Variants in MYO1H observed in about 807,000 individuals in gnomAD.
MYO1H encodes myosin IH, also known as unconventional myosin-Ih.
In MYO1H, 118 loss-of-function variants were observed where a neutral mutation model predicts 149.3. The observed-to-expected ratio is 0.79, with a 90% CI of 0.68 to 0.92. The LOEUF is 0.92. MYO1H is among the 40% of genes least tolerant of loss of function. The pLI is 0.00. For missense variants in MYO1H, 1,212 were observed against 1,280.7 expected (o/e 0.95, Z 0.82); for synonymous variants, 447 against 465.2 (o/e 0.96, Z 0.50).
intron 10 of MYO1H, among the ~76,000 whole-genome samples, chr12:109,409,193 A>T (rs4766595): frequency 0.53 from 76,154 of 143,538 alleles, 20,388 homozygotes; most frequent in African/African-American, 0.67. Context: ...CCTTTTCTCC[A>T]TCTCCTTCTC....
chr12:109,439,687 T>G, exon 24 of MYO1H: 2 of 1,613,832 alleles, frequency 1.2e-6, no homozygotes, highest in Non-Finnish European at 1.7e-6. Flanking sequence ...AACGAGGAAT[T>G]TATCGTGTTT....
intron 16 of MYO1H, among the ~76,000 whole-genome samples, chr12:109,422,439 C>T (rs1192210324): frequency 6.6e-6 from 1 of 152,176 alleles, no homozygotes; most frequent in Non-Finnish European, 1.5e-5. Flanking sequence ...GCAGGTTTCC[C>T]GTCAGCAAAG....
At chr12:109,432,939 G>T in exon 20 of MYO1H, 1 of 1,614,000 alleles carries the variant, frequency 6.2e-7, no homozygotes, top group Non-Finnish European at 8.5e-7. Context: ...ACTGGCACGG[G>T]CCTCCAGCAG....
intron 14 of MYO1H, 29 bp downstream of exon 14, chr12:109,412,014 A>G (rs1052989631): frequency 6.9e-7 from 1 of 1,452,400 alleles, no homozygotes; most frequent in Non-Finnish European, 9.4e-7. Context: ...CAGATTTTGC[A>G]TGGGGGAAGA....
chr12:109,405,367 A>G (rs12811377), intron 7 of MYO1H, among the ~76,000 whole-genome samples: 37,159 of 152,146 alleles, frequency 0.24, 5,520 homozygotes, highest in East Asian at 0.39. Context: ...CAGGAGTACA[A>G]TGGCGCTATC....
exon 32 of MYO1H, chr12:109,447,391 C>A: frequency 1.6e-6 from 1 of 613,392 alleles, no homozygotes; most frequent in Non-Finnish European, 2.9e-6. Flanking sequence ...TAAAATGTCA[C>A]CTTCTGGAAG....
intron 24 of MYO1H, among the ~76,000 whole-genome samples, chr12:109,440,091 G>A (rs1248055982): frequency 2.0e-5 from 3 of 151,236 alleles, no homozygotes; most frequent in Non-Finnish European, 4.4e-5. Context: ...CTAGAGTGCA[G>A]TGGCGCGATC....
intron 15 of MYO1H, among the ~76,000 whole-genome samples, chr12:109,417,825 G>GT (rs201815885): frequency 0.12 from 18,438 of 149,882 alleles, 1,722 homozygotes; most frequent in African/African-American, 0.26. Flanking sequence ...GTTTTGTTTT[G>GT]TTTTTTTTGA....
At chr12:109,327,127 TCTTTTTC>T in the MYO1H span, among the ~76,000 whole-genome samples, 296 of 130,588 alleles carry the variant, frequency 2.3e-3, 11 homozygotes, top group East Asian at 0.026. Flanking sequence ...TTTTTCTTTT[TCTTTTTC>T]TTTTTTTTTT....
At chr12:109,395,690 G>A (rs374116867) in intron 3 of MYO1H, among the ~76,000 whole-genome samples, 3 of 151,282 alleles carry the variant, frequency 2.0e-5, no homozygotes, top group East Asian at 3.9e-4. Context: ...AGCTCAGATC[G>A]TGCTACTGCA....
chr12:109,444,940 A>G (rs980619313), intron 30 of MYO1H, among the ~76,000 whole-genome samples: 3 of 152,018 alleles, frequency 2.0e-5, no homozygotes, highest in African/African-American at 4.8e-5. Context: ...CCTGCTTCCA[A>G]CGTAATCAAG....
At chr12:109,312,201 GTTTT>G in the MYO1H span, among the ~76,000 whole-genome samples, 40,405 of 132,916 alleles carry the variant, frequency 0.3, 5,726 homozygotes, top group Middle Eastern at 0.41. Context: ...AAGAAGTTCA[GTTTT>G]TTTTTTTGTT....
chr12:109,314,096 A>T, the MYO1H span, among the ~76,000 whole-genome samples: 1 of 151,820 alleles, frequency 6.6e-6, no homozygotes, highest in Non-Finnish European at 1.5e-5. Context: ...TATTGCCTAG[A>T]CTGGTCTAGA....
At chr12:109,424,606 C>T in intron 16 of MYO1H, 142 bp from the exon 17 acceptor site, 1 of 603,088 alleles carries the variant, frequency 1.7e-6, no homozygotes, top group Non-Finnish European at 2.9e-6. Context: ...GTGTTGTTCC[C>T]CTTTCTTTAC....
intron 1 of MYO1H, among the ~76,000 whole-genome samples, chr12:109,350,331 C>T (rs1464769960): frequency 6.6e-6 from 1 of 152,090 alleles, no homozygotes; most frequent in African/African-American, 2.4e-5. Context: ...CCATAATTCC[C>T]TCGTGTTGTG....
intron 19 of MYO1H, among the ~76,000 whole-genome samples, chr12:109,431,054 CAA>C (rs772066497): frequency 6.3e-5 from 7 of 110,972 alleles, no homozygotes; most frequent in Admixed American, 9.8e-5. Context: ...GACTCCATCT[CAA>C]AAAAAAAAAA....
At chr12:109,439,669 G>A (rs981178363) in exon 24 of MYO1H, 4 of 1,613,626 alleles carry the variant, frequency 2.5e-6, no homozygotes, top group African/African-American at 2.7e-5. Flanking sequence ...AAACCCCTCT[G>A]TCCTGACAAC....
chr12:109,346,909 G>A (rs1035110332), upstream of MYO1H, among the ~76,000 whole-genome samples: 7 of 152,038 alleles, frequency 4.6e-5, no homozygotes, highest in African/African-American at 1.7e-4. Context: ...TACAAAAATG[G>A]AATCATTTCT....
intron 16 of MYO1H, among the ~76,000 whole-genome samples, chr12:109,423,036 C>T (rs192173258): frequency 2.3e-3 from 349 of 151,992 alleles, no homozygotes; most frequent in Non-Finnish European, 3.8e-3. Flanking sequence ...GAGCTGTGAC[C>T]GTGTCATTCA....
Sources: gnomAD v4.1 joint callset for allele counts (sites outside exome capture counted in the v4.1 genomes callset) on GRCh38, gnomAD v4.1.1 for gene constraint, MANE v1.5 for transcripts, NCBI Gene and HGNC (gene_info 2026-07-23, HGNC 2026-07-21) for gene names.